The following WNT7B variants were observed in gnomAD, a reference collection of about 807,000 sequenced individuals.
The protein encoded by WNT7B is protein Wnt-7b.
A neutral mutation model predicts 38.2 loss-of-function variants in WNT7B; 19 were observed. The ratio of observed to expected loss-of-function variants is 0.50; its 90% CI spans 0.35 to 0.73. The LOEUF is 0.73. WNT7B is among the 30% of genes least tolerant of loss of function. The pLI, the probability that WNT7B is intolerant of heterozygous loss-of-function variation, is 0.01. For synonymous variants in WNT7B, 243 were observed against 209.3 expected, an observed-to-expected ratio of 1.16 and a Z score of -1.39; for missense variants, 423 against 507.9, an observed-to-expected ratio of 0.83 and a Z score of 1.61.
rs762011548 is a variant in WNT7B at position 45,931,194 on chromosome 22, G to GT, written c.473dup (p.Tyr158Ter). Reference protein sequence around the residue: ...KWGGCSADVRYGIDFSRRFVD... With the variant: ...KWGGCSADVR ...CGAAGCGCCGGGAGAAGTCGATGCC[G>GT]TAACGCACGTCGGCCGAGCAGCCGC... is the stretch of plus-strand genomic sequence containing the variant. The change falls in exon 3 of 4, where the codon TAC becomes TAAC. Residue 158 changes from tyrosine to a stop codon, truncating the protein, a stop_gained and frameshift_variant. Transcript: ENST00000339464. LOFTEE classifies it high-confidence loss of function. 1 of 1,599,544 alleles carries GT rather than the reference G, an allele frequency of 6.3e-7. No homozygotes were observed. The highest frequency in any genetic ancestry group is 1.1e-5 in the South Asian group (1 of 91,062).
intron 2 of WNT7B, among the ~76,000 whole-genome samples, chr22:45,941,708 C>T (rs576767964): frequency 8.7e-4 from 133 of 152,142 alleles, no homozygotes; most frequent in Non-Finnish European, 1.5e-3. Context: ...CCTGGCCCCG[C>T]GAAGATGTCC....
intron 1 of WNT7B, chr22:45,972,005 C>T (rs1932453433): frequency 4.5e-6 from 2 of 447,550 alleles, no homozygotes; most frequent in Non-Finnish European, 7.8e-6. Context: ...GCTGGCGAGG[C>T]GACCTAAAGT....
chr22:45,946,876 G>A (rs754636033), intron 2 of WNT7B, among the ~76,000 whole-genome samples: 9 of 152,220 alleles, frequency 5.9e-5, no homozygotes, highest in African/African-American at 1.9e-4. Context: ...TTCAGCCCTC[G>A]AGATTTAGGC....
At chr22:45,932,719 T>C (rs966604777) in intron 2 of WNT7B, among the ~76,000 whole-genome samples, 2 of 152,130 alleles carry the variant, frequency 1.3e-5, no homozygotes, top group African/African-American at 4.8e-5. Flanking sequence ...GGCTCAACCA[T>C]GCCAGCTGGA....
At chr22:45,926,670 C>A (rs1931093335) in intron 3 of WNT7B, 1 of 984,622 alleles carries the variant, frequency 1.0e-6, no homozygotes. Flanking sequence ...TCTTCCACAG[C>A]ACCTCCCATG....
At chr22:45,925,061 G>T (rs924494117) in intron 3 of WNT7B, 4 of 978,352 alleles carry the variant, frequency 4.1e-6, no homozygotes, top group Admixed American at 1.3e-4. Context: ...GTGCTGGGTG[G>T]GCCCTAGGCT....
chr22:45,930,638 C>T (rs1391808394), intron 3 of WNT7B, among the ~76,000 whole-genome samples: 1 of 152,236 alleles, frequency 6.6e-6, no homozygotes, highest in African/African-American at 2.4e-5. Context: ...ACAGCTTCCA[C>T]CTTCCTCAGG....
chr22:45,924,664 C>T (rs1411528706), intron 3 of WNT7B, among the ~76,000 whole-genome samples: 2 of 152,008 alleles, frequency 1.3e-5, no homozygotes, highest in Non-Finnish European at 2.9e-5. Flanking sequence ...CAGGTGGGCC[C>T]TAGGCTGGCA....
At chr22:45,958,915 G>A (rs1343820807) in intron 1 of WNT7B, among the ~76,000 whole-genome samples, 1 of 152,154 alleles carries the variant, frequency 6.6e-6, no homozygotes, top group African/African-American at 2.4e-5. Flanking sequence ...CTTGGAGAAG[G>A]AAGCCCCCCG....
chr22:45,960,583 C>A (rs1048786523), intron 1 of WNT7B, among the ~76,000 whole-genome samples: 7 of 152,252 alleles, frequency 4.6e-5, no homozygotes, highest in Non-Finnish European at 2.9e-5. Context: ...CTGGCCCTGG[C>A]TGCCGGGCGG....
At chr22:45,942,239 T>G (rs1931667538) in intron 2 of WNT7B, among the ~76,000 whole-genome samples, 1 of 152,114 alleles carries the variant, frequency 6.6e-6, no homozygotes, top group African/African-American at 2.4e-5. Flanking sequence ...GGGGTCTCGG[T>G]CTAGACAGGA....
In WNT7B at chr22:45,929,551, T is replaced by C. The variant is rs144297913; in HGVS notation, c.570+1547A>G. Among the ~76,000 whole-genome samples the C allele has an allele frequency of 5.0e-3, 654 of 129,580 alleles. 1 individual carries two copies. The highest frequency in any genetic ancestry group is 0.017 in the African/African-American group (610 of 34,972). 85.0% of individuals were successfully genotyped at this position (129,580 alleles called of 152,430 possible). A position where few individuals can be genotyped will look rare whatever the true frequency, so the allele number is the denominator to read the frequency against. ...TTCCACCCACTCATCCTTCCAACCA[T>C]CCTTCCACCCATCCCCTCATTCATC... is the stretch of plus-strand genomic sequence containing the variant. On this transcript the variant is annotated intron_variant, in intron 3 of 3. Transcript: ENST00000339464.
intron 1 of WNT7B, among the ~76,000 whole-genome samples, chr22:45,958,296 T>A (rs1373067401): frequency 6.6e-6 from 1 of 152,110 alleles, no homozygotes; most frequent in Non-Finnish European, 1.5e-5. Context: ...AGCTTTGGGG[T>A]GACCTGTCAT....
At chr22:45,947,172 G>A (rs1022680085) in intron 2 of WNT7B, among the ~76,000 whole-genome samples, 4 of 152,340 alleles carry the variant, frequency 2.6e-5, no homozygotes, top group Non-Finnish European at 4.4e-5. Flanking sequence ...AGTCAGATAC[G>A]CCCGAAGCTC....
rs1427697139 is a variant in WNT7B, at chr22:45,966,902, C to G, written c.71+9782G>C. ...TTCTCTGCCCAGGCAGGGACCCTCCCCAGCATCCCCGGCCCTCACTCCTGC... is the reference window on the plus strand; with the variant it reads ...TTCTCTGCCCAGGCAGGGACCCTCCGCAGCATCCCCGGCCCTCACTCCTGC... On this transcript the variant is annotated intron_variant, in intron 1 of 3. Transcript: ENST00000339464. The surrounding 1 kb of genome is among the most constrained non-coding windows in gnomAD (Gnocchi z 4.2). Among the ~76,000 whole-genome samples, 1 of 152,092 alleles carries G rather than the reference C, an allele frequency of 6.6e-6. No individual in the cohort carries two copies. Among genetic ancestry groups the G allele is most frequent in the Non-Finnish European group, 1.5e-5 (1 of 68,010 alleles).
chr22:45,940,494 T>C (rs1376892434), intron 2 of WNT7B, among the ~76,000 whole-genome samples: 1 of 152,178 alleles, frequency 6.6e-6, no homozygotes, highest in Non-Finnish European at 1.5e-5. Context: ...CTCACGTTAT[T>C]GCCACCTGTG....
chr22:45,938,296 A>G (rs1036318525), intron 2 of WNT7B, among the ~76,000 whole-genome samples: 1 of 152,104 alleles, frequency 6.6e-6, no homozygotes, highest in East Asian at 1.9e-4. Context: ...AATGACAGAC[A>G]CCAGCGCCTG....
At chr22:45,974,906 G>A (rs1932520635) in intron 1 of WNT7B, among the ~76,000 whole-genome samples, 1 of 152,156 alleles carries the variant, frequency 6.6e-6, no homozygotes, top group Non-Finnish European at 1.5e-5. Flanking sequence ...AGCCCTGGAA[G>A]CAGCCCCAGG....
chr22:45,957,434 A>T (rs1255868390), intron 1 of WNT7B, among the ~76,000 whole-genome samples: 1 of 152,126 alleles, frequency 6.6e-6, no homozygotes, highest in Non-Finnish European at 1.5e-5. Context: ...CTGTAATCCC[A>T]GCACTTTGGG....
Sources: allele counts gnomAD v4.1 joint callset (sites outside exome capture counted in the v4.1 genomes callset), GRCh38; gene constraint gnomAD v4.1.1; non-coding constraint Gnocchi (gnomAD v3.1); transcripts MANE v1.5; gene names NCBI Gene and HGNC (gene_info 2026-07-23, HGNC 2026-07-21).